Variants in CCDC73 observed in about 807,000 individuals in gnomAD.
The protein encoded by CCDC73 is coiled-coil domain-containing protein 73.
A neutral mutation model predicts 116.5 loss-of-function variants in CCDC73; 95 were observed. The ratio of observed to expected loss-of-function variants is 0.82; its 90% CI spans 0.69 to 0.97. The LOEUF (loss-of-function observed/expected upper bound fraction) is 0.97. CCDC73 is among the 50% of genes least tolerant of loss of function. The pLI, the probability that CCDC73 is intolerant of heterozygous loss-of-function variation, is 0.00. For missense variants in CCDC73, 1,066 were observed against 1,206.8 expected (o/e 0.88, Z 1.73); for synonymous variants, 398 against 401.3 (o/e 0.99, Z 0.10).
chr11:32,631,607 G>A lies in CCDC73; in HGVS notation c.1185+4089C>T, dbSNP rs2133238589. Among the ~76,000 whole-genome samples, 3 of 151,140 alleles carry A rather than the reference G, an allele frequency of 2.0e-5. No individual in the cohort carries two copies. In the South Asian group the frequency reaches 6.4e-4, roughly 32 times the overall value. ...AGGAAAGGAAGGAAAGGAAGGAAAG[G>A]AAGGGAAGGGAAGGGAAGGGACGGG... On this transcript the variant is annotated intron_variant, in intron 14 of 17. Transcript: ENST00000335185.
intron 3 of CCDC73, among the ~76,000 whole-genome samples, chr11:32,706,839 AG>A (rs1200458140): frequency 6.6e-6 from 1 of 152,216 alleles, no homozygotes; most frequent in African/African-American, 2.4e-5. Flanking sequence ...ATTAAAAGAT[AG>A]GGATCTATTA....
chr11:32,764,135 G>T (rs150110934), intron 1 of CCDC73, among the ~76,000 whole-genome samples: 3,947 of 152,304 alleles, frequency 0.026, 62 homozygotes, highest in Non-Finnish European at 0.04. Flanking sequence ...ATCTATGTCT[G>T]ATTGGTGTAC....
At chr11:32,753,416 T>G (rs879511495) in intron 2 of CCDC73, among the ~76,000 whole-genome samples, 1 of 151,832 alleles carries the variant, frequency 6.6e-6, no homozygotes, top group Admixed American at 6.6e-5. Flanking sequence ...TACCTCAGCC[T>G]TCCAAGTAGC....
intron 13 of CCDC73, among the ~76,000 whole-genome samples, chr11:32,636,198 T>C (rs1019186959): frequency 3.3e-5 from 5 of 152,132 alleles, no homozygotes; most frequent in African/African-American, 1.2e-4. Context: ...TCTTGTCTCA[T>C]AAAAAAATTT....
At chr11:32,603,517 A>C (rs1417669544) in intron 17 of CCDC73, 1 of 152,280 alleles carries the variant, frequency 6.6e-6, no homozygotes, top group Non-Finnish European at 1.5e-5. Flanking sequence ...TTTTGGTATT[A>C]TTTGCTGCTA....
intron 2 of CCDC73, chr11:32,758,513 G>A (rs925777581): frequency 2.2e-6 from 1 of 458,956 alleles, no homozygotes; most frequent in Non-Finnish European, 4.3e-6. Flanking sequence ...TTCCATGTAT[G>A]CTAATTGTGT....
Position 32,745,396 on chromosome 11 carries a change from G to C in CCDC73, c.135+14713C>G, listed in dbSNP as rs982817044. On this transcript the variant is annotated intron_variant, in intron 2 of 17. Transcript: ENST00000335185. ...GTATATTCTGTTGATTTGGGGCGGA[G>C]AGTTCTGTAGATATCTATTAGGTCT... Among the ~76,000 whole-genome samples the C allele has an allele frequency of 1.3e-5, 2 of 152,212 alleles. 1 individual carries two copies. Among genetic ancestry groups the C allele is most frequent in the Non-Finnish European group, 2.9e-5 (2 of 68,040 alleles).
intron 1 of CCDC73, among the ~76,000 whole-genome samples, chr11:32,770,335 T>C (rs1024675256): frequency 6.6e-6 from 1 of 152,200 alleles, no homozygotes; most frequent in Non-Finnish European, 1.5e-5. Flanking sequence ...TTCTATTAAC[T>C]AAAGCATTTC....
chr11:32,632,483 C>G (rs1225326895), intron 14 of CCDC73, among the ~76,000 whole-genome samples: 1 of 152,184 alleles, frequency 6.6e-6, no homozygotes, highest in East Asian at 1.9e-4. Flanking sequence ...GCCTCAGCCT[C>G]CCAAAGTGCT....
intron 14 of CCDC73, among the ~76,000 whole-genome samples, chr11:32,618,273 C>T (rs1183527809): frequency 6.6e-6 from 1 of 152,198 alleles, no homozygotes; most frequent in South Asian, 2.1e-4. Context: ...TTATCCAATC[C>T]ACTGTTGATG....
At position 32,710,627 on chromosome 11, in the gene CCDC73, T is replaced by C. The variant is rs1454941633; in HGVS notation, c.207+7449A>G. ...ATCATATGGTCTTTCCTGGAGAATG[T>C]TCCATGTACTGATTAACAGAATGCA... On this transcript the variant is annotated intron_variant, in intron 3 of 17. Transcript: ENST00000335185. Among the ~76,000 whole-genome samples the C allele has an allele frequency of 2.6e-5, 4 of 152,172 alleles. No homozygotes were observed. The South Asian group carries it at 6.2e-4, about 24-fold the overall frequency.
At chr11:32,626,463 T>C (rs1223198845) in intron 14 of CCDC73, among the ~76,000 whole-genome samples, 1 of 152,026 alleles carries the variant, frequency 6.6e-6, no homozygotes, top group East Asian at 1.9e-4. Flanking sequence ...CTTCACAGAA[T>C]TGGAAAAAAC....
intron 6 of CCDC73, among the ~76,000 whole-genome samples, chr11:32,686,659 A>T (rs1359710434): frequency 6.6e-6 from 1 of 152,200 alleles, no homozygotes; most frequent in Non-Finnish European, 1.5e-5. Context: ...ACATTATTTC[A>T]GGCCACCGTT....
chr11:32,755,903 CTATA>C (rs1554968894), intron 2 of CCDC73, among the ~76,000 whole-genome samples: 1 of 83,300 alleles, frequency 1.2e-5, no homozygotes, highest in Non-Finnish European at 2.2e-5. Context: ...CCATATATAT[CTATA>C]TATATCTCCA....
intron 13 of CCDC73, among the ~76,000 whole-genome samples, chr11:32,637,011 CTTTTTCTTTTTTTTTTT>C (rs1351666565): frequency 4.8e-5 from 3 of 62,316 alleles, no homozygotes; most frequent in Non-Finnish European, 1.0e-4. Flanking sequence ...TTCACTTTTT[CTTTTTCTTTTTTTTTTT>C]TTTTTTTTTG....
chr11:32,737,273 G>GTA (rs1554967584), intron 2 of CCDC73, among the ~76,000 whole-genome samples: 8,066 of 131,364 alleles, frequency 0.061, 261 homozygotes, highest in African/African-American at 0.072. Context: ...GTGTGTGTGT[G>GTA]TATATACATG....
At chr11:32,829,828 G>C in the CCDC73 span, 1 of 985,398 alleles carries the variant, frequency 1.0e-6, no homozygotes, top group Non-Finnish European at 1.2e-6. Context: ...GGGCTCCCGG[G>C]AGACGCCGGC....
intron 2 of CCDC73, among the ~76,000 whole-genome samples, chr11:32,754,981 G>A (rs758051198): frequency 7.0e-6 from 1 of 143,546 alleles, no homozygotes; most frequent in Non-Finnish European, 1.5e-5. Context: ...TCTGTCTCCC[G>A]GATTCAAGCG....
intron 13 of CCDC73, among the ~76,000 whole-genome samples, chr11:32,641,013 C>T (rs1301529556): frequency 1.8e-5 from 2 of 111,962 alleles, no homozygotes; most frequent in Admixed American, 1.7e-4. Context: ...GAGACTCTGT[C>T]CCCCACCAAA....
Sources: gnomAD v4.1 joint callset for allele counts (sites outside exome capture counted in the v4.1 genomes callset) on GRCh38, gnomAD v4.1.1 for gene constraint, MANE v1.5 for transcripts, NCBI Gene and HGNC (gene_info 2026-07-23, HGNC 2026-07-21) for gene names.